CRTAC1: variants seen among roughly 807,000 people sequenced by gnomAD.
CRTAC1 encodes the protein cartilage acidic protein 1, also known as acidic secreted protein in cartilage.
In CRTAC1, 37 loss-of-function variants were observed where a neutral mutation model predicts 67.8. The observed-to-expected ratio is 0.55, with a 90% CI of 0.42 to 0.72. CRTAC1 has a LOEUF of 0.72. Among genes scored for constraint, CRTAC1 ranks in the 30% least tolerant of loss-of-function variants. The pLI, the probability that CRTAC1 is intolerant of heterozygous loss-of-function variation, is 0.00. For missense variants in CRTAC1, 780 were observed against 931.6 expected (o/e 0.84, Z 2.12); for synonymous variants, 348 against 371.0 (o/e 0.94, Z 0.71).
Position 97,895,281 on chromosome 10 carries a change from G to A in CRTAC1, c.1450C>T (p.Leu484=). ...LRIIDGGSGY[L]CEMEPVAHFG... ...TGTGCCACGGGCTCCATCTCACACAGGTAGCCTGAGCCCCCGTCGATGATC... is the reference window on the plus strand; with the variant it reads ...TGTGCCACGGGCTCCATCTCACACAAGTAGCCTGAGCCCCCGTCGATGATC... The change falls in exon 11 of 15, where the codon CTG becomes TTG. Residue 484 remains leucine (L), a synonymous_variant. Coordinates refer to ENST00000370597, the MANE Select transcript of CRTAC1 (RefSeq NM_018058.7). This position sits in a 1 kb window ranked among gnomAD's most constrained non-coding sequence, Gnocchi z 4.2. 6.2e-7 allele frequency: 1 copy of A among 1,613,144 alleles called. No homozygotes were observed. The highest frequency in any genetic ancestry group is 8.5e-7 in the Non-Finnish European group (1 of 1,180,016).
chr10:97,930,309 C>A (rs2050985267), intron 3 of CRTAC1, among the ~76,000 whole-genome samples: 1 of 152,160 alleles, frequency 6.6e-6, no homozygotes, highest in African/African-American at 2.4e-5. Context: ...CTCTGGGGCC[C>A]CATATTCCAT....
chr10:97,899,618 G>T (rs1163651781), intron 8 of CRTAC1, among the ~76,000 whole-genome samples: 1 of 152,194 alleles, frequency 6.6e-6, no homozygotes, highest in African/African-American at 2.4e-5. Context: ...TAAGCTTTTC[G>T]CAAGGCACCT....
chr10:97,983,655 G>A (rs2051933981), intron 2 of CRTAC1, among the ~76,000 whole-genome samples: 1 of 152,190 alleles, frequency 6.6e-6, no homozygotes, highest in African/African-American at 2.4e-5. Context: ...CCTTGTGTCT[G>A]AAAGTAGAAT....
intron 2 of CRTAC1, among the ~76,000 whole-genome samples, chr10:97,970,612 A>G (rs552369591): frequency 5.8e-4 from 89 of 152,302 alleles, no homozygotes; most frequent in African/African-American, 2.1e-3. Context: ...CAAACTCCTC[A>G]GAGAAGCTTT....
rs186675106 is a variant in CRTAC1 at position 97,975,048 on chromosome 10, C to A, written c.224+36090G>T. Among the ~76,000 whole-genome samples, 2 of 151,842 alleles carry A rather than the reference C, an allele frequency of 1.3e-5. No homozygotes were observed. Among genetic ancestry groups the A allele is most frequent in the Non-Finnish European group, 2.9e-5 (2 of 67,906 alleles). On this transcript the variant is annotated intron_variant, in intron 2 of 14. Coordinates refer to ENST00000370597, the MANE Select transcript of CRTAC1 (RefSeq NM_018058.7). This position sits in a 1 kb window ranked among gnomAD's most constrained non-coding sequence, Gnocchi z 4.8. ...AGGCCGGAGCGCGGGCAGGGACTGG[C>A]GCGGGATCGATTCCCGGGTGGCGGT...
chr10:97,961,668 T>C (rs984231352), intron 2 of CRTAC1, among the ~76,000 whole-genome samples: 31 of 152,184 alleles, frequency 2.0e-4, no homozygotes, highest in African/African-American at 7.2e-4. Context: ...CTTTTCTAGT[T>C]CTTTCTCCTC....
At position 97,865,617 on chromosome 10, in the gene CRTAC1, T is replaced by TGCAGCAGTGGCAGCTCCAGCAGCG; in HGVS notation, c.1893_1916dup (p.Ala632_Ala639dup). 2 of 1,613,594 alleles carry TGCAGCAGTGGCAGCTCCAGCAGCG rather than the reference T, an allele frequency of 1.2e-6. No individual in the cohort carries two copies. Among genetic ancestry groups the TGCAGCAGTGGCAGCTCCAGCAGCG allele is most frequent in the Non-Finnish European group, 1.7e-6 (2 of 1,179,704 alleles). ...TGAGATCTCCATCTACGAGGACCGG[T>TGCAGCAGTGGCAGCTCCAGCAGCG]GCAGCAGTGGCAGCTCCAGCAGCGG... On this transcript the variant is annotated inframe_insertion, in exon 15 of 15. Coordinates refer to ENST00000370597, the MANE Select transcript of CRTAC1 (RefSeq NM_018058.7).
chr10:98,016,202 C>T (rs1176767379), intron 1 of CRTAC1, among the ~76,000 whole-genome samples: 1 of 152,152 alleles, frequency 6.6e-6, no homozygotes, highest in Non-Finnish European at 1.5e-5. Context: ...CATCAAAGGG[C>T]AGAGTCTAGG....
chr10:97,885,080 G>A (rs2050262774), intron 11 of CRTAC1, among the ~76,000 whole-genome samples: 1 of 152,224 alleles, frequency 6.6e-6, no homozygotes, highest in South Asian at 2.1e-4. Context: ...AATAAATAAT[G>A]CCAGATATTG....
At chr10:97,982,622 C>T (rs1035197676) in intron 2 of CRTAC1, among the ~76,000 whole-genome samples, 2 of 152,178 alleles carry the variant, frequency 1.3e-5, no homozygotes, top group Non-Finnish European at 2.9e-5. Context: ...CAATCTCTAG[C>T]GGTCCCCAGT....
At chr10:97,989,513 A>T (rs1189171242) in intron 2 of CRTAC1, among the ~76,000 whole-genome samples, 1 of 152,232 alleles carries the variant, frequency 6.6e-6, no homozygotes, top group Non-Finnish European at 1.5e-5. Context: ...TACTGTAGGT[A>T]ATTGTCACAC....
At chr10:97,963,861 G>A (rs956425887) in intron 2 of CRTAC1, among the ~76,000 whole-genome samples, 4 of 152,212 alleles carry the variant, frequency 2.6e-5, no homozygotes, top group African/African-American at 9.6e-5. Flanking sequence ...AAGAAATTGA[G>A]GCTCGGAGAG....
chr10:97,940,670 C>T (rs1015003095), intron 2 of CRTAC1, among the ~76,000 whole-genome samples: 1 of 152,198 alleles, frequency 6.6e-6, no homozygotes, highest in African/African-American at 2.4e-5. Flanking sequence ...GGGGTGGGGT[C>T]CTGGCCCTGC....
In CRTAC1 at chr10:98,030,583, T is replaced by G. The variant is rs1277896101; in HGVS notation, c.-111A>C. 18 of 701,888 alleles carry G rather than the reference T, an allele frequency of 2.6e-5. No homozygotes were observed. The Admixed American group carries it at 8.0e-4, about 31-fold the overall frequency. 43.5% of individuals were successfully genotyped at this position (701,888 alleles called of 1,614,324 possible). On this transcript the variant is annotated 5_prime_UTR_variant, in exon 1 of 15. Coordinates refer to ENST00000370597, the MANE Select transcript of CRTAC1 (RefSeq NM_018058.7). The surrounding 1 kb of genome is among the most constrained non-coding windows in gnomAD (Gnocchi z 4.2). ...TCCCAGCCCCGGTCCCGGGCTGGCC[T>G]CGAGCCTCCCGCCCCGACGCCGCGC...
intron 1 of CRTAC1, among the ~76,000 whole-genome samples, chr10:98,028,707 A>G (rs1392537185): frequency 6.6e-6 from 1 of 152,186 alleles, no homozygotes; most frequent in East Asian, 1.9e-4. Context: ...TCCCCAGTGG[A>G]GAGAAGGTCT....
At chr10:97,908,776 A>G (rs1182972879) in intron 5 of CRTAC1, among the ~76,000 whole-genome samples, 13 of 152,244 alleles carry the variant, frequency 8.5e-5, no homozygotes, top group Admixed American at 8.5e-4. Flanking sequence ...TGCCTGTGAT[A>G]TATGGTTGAA....
intron 1 of CRTAC1, among the ~76,000 whole-genome samples, chr10:98,025,662 C>A (rs1376323819): frequency 6.6e-6 from 1 of 152,158 alleles, no homozygotes; most frequent in Non-Finnish European, 1.5e-5. Flanking sequence ...AGGTTTATGT[C>A]CCCTAAGCAA....
At chr10:98,020,871 T>C (rs994058224) in intron 1 of CRTAC1, among the ~76,000 whole-genome samples, 2 of 152,112 alleles carry the variant, frequency 1.3e-5, no homozygotes, top group African/African-American at 4.8e-5. Context: ...ATGCCATGGC[T>C]GGAGTGGTGT....
chr10:97,915,173 A>G (rs2069352719), intron 5 of CRTAC1, among the ~76,000 whole-genome samples: 1 of 152,086 alleles, frequency 6.6e-6, no homozygotes, highest in African/African-American at 2.4e-5. Context: ...CTGTCATCCC[A>G]GTGGGTGTGG....
Sources: allele counts gnomAD v4.1 joint callset (sites outside exome capture counted in the v4.1 genomes callset), GRCh38; gene constraint gnomAD v4.1.1; non-coding constraint Gnocchi (gnomAD v3.1); transcripts MANE v1.5; gene names NCBI Gene and HGNC (gene_info 2026-07-23, HGNC 2026-07-21).